The following NR3C2 variants were observed in gnomAD, a reference collection of about 807,000 sequenced individuals.
The protein encoded by NR3C2 is nuclear receptor subfamily 3 group C member 2.
A neutral mutation model predicts 86.4 loss-of-function variants in NR3C2; 15 were observed. The observed-to-expected ratio is 0.17, with a 90% CI of 0.12 to 0.27. The LOEUF (loss-of-function observed/expected upper bound fraction) is 0.27, where lower values mean the gene tolerates loss of function less well. NR3C2 is among the 10% of genes least tolerant of loss of function. The probability of loss-of-function intolerance (pLI) is 1.00; values close to 1 mark genes in which losing one functional copy is unlikely to be tolerated. For synonymous variants in NR3C2, 458 were observed against 450.5 expected (o/e 1.02, Z -0.21); for missense variants, 960 against 1,195.6 (o/e 0.80, Z 2.91).
At chr4:148,297,708 CA>C (rs1248274871) in intron 2 of NR3C2, among the ~76,000 whole-genome samples, 2 of 151,722 alleles carry the variant, frequency 1.3e-5, no homozygotes, top group African/African-American at 2.4e-5. Context: ...TATTGGCTTC[CA>C]AAAAAAGATC....
At chr4:148,372,488 G>A (rs1257497124) in intron 2 of NR3C2, among the ~76,000 whole-genome samples, 2 of 151,736 alleles carry the variant, frequency 1.3e-5, no homozygotes, top group African/African-American at 4.8e-5. Flanking sequence ...AACCAAAGAG[G>A]CATTCTTAAC....
rs769684391 is a variant in NR3C2 at position 148,436,038 on chromosome 4, G to A, written c.823C>T (p.Pro275Ser). 8 of 1,614,020 alleles carry A rather than the reference G, an allele frequency of 5.0e-6. No individual in the cohort carries two copies. In the African/African-American group the frequency reaches 1.1e-4, roughly 22 times the overall value. ...GATTTTACACTGCAGTGACTTGGAG[G>A]GCTGGAAATTGAGGATTTCATGCTA... ...LSSMKSSISS[P>S]PSHCSVKSPV... is the part of the protein sequence containing the mutation. Residue 275 changes from proline (P) to serine (S), a missense_variant, in exon 2 of 9, where the codon CCT becomes TCT. Pro to Ser is a moderately conservative substitution (Grantham distance 74). Coordinates refer to ENST00000358102, the MANE Select transcript of NR3C2 (RefSeq NM_000901.5).
In NR3C2 at chr4:148,178,932, TAA is replaced by T. The variant is rs58576220; in HGVS notation, c.2014+15812_2014+15813del. Among the ~76,000 whole-genome samples, 27 of 95,264 alleles carry T rather than the reference TAA, an allele frequency of 2.8e-4. 1 individual carries two copies. The highest frequency in any genetic ancestry group is 1.3e-3 in the South Asian group (4 of 3,170). 62.5% of individuals were successfully genotyped at this position (95,264 alleles called of 152,430 possible). A position where few individuals can be genotyped will look rare whatever the true frequency, so the allele number is the denominator to read the frequency against. ...AGTGAAAATAGCAGAAAGAAGCAGG[TAA>T]AAAAAAAAAAAAACAAAAAAAAACA... On this transcript the variant is annotated intron_variant, in intron 4 of 8. Coordinates refer to ENST00000358102, the MANE Select transcript of NR3C2 (RefSeq NM_000901.5).
chr4:148,307,052 A>G (rs935787993), intron 2 of NR3C2, among the ~76,000 whole-genome samples: 1 of 152,016 alleles, frequency 6.6e-6, no homozygotes, highest in Non-Finnish European at 1.5e-5. Context: ...TTTTTGTGAC[A>G]CTTTAGTGTT....
chr4:148,275,062 A>G (rs1428922146), intron 2 of NR3C2, among the ~76,000 whole-genome samples: 1 of 152,152 alleles, frequency 6.6e-6, no homozygotes, highest in Non-Finnish European at 1.5e-5. Flanking sequence ...TATAATTCTA[A>G]AGTACACATC....
intron 2 of NR3C2, among the ~76,000 whole-genome samples, chr4:148,384,453 TAC>T (rs1747162814): frequency 6.6e-6 from 1 of 151,192 alleles, no homozygotes; most frequent in Non-Finnish European, 1.5e-5. Context: ...TACTATATAT[TAC>T]AATCCACAAA....
At chr4:148,143,416 C>T (rs1008886319) in intron 6 of NR3C2, among the ~76,000 whole-genome samples, 11 of 152,158 alleles carry the variant, frequency 7.2e-5, no homozygotes, top group Non-Finnish European at 1.0e-4. Context: ...TTCACAATGC[C>T]GCCTTCACTT....
At chr4:148,218,899 A>G (rs12642178) in intron 3 of NR3C2, among the ~76,000 whole-genome samples, 80,692 of 152,016 alleles carry the variant, frequency 0.53, 21,644 homozygotes, top group South Asian at 0.6. Context: ...TTGGCATCTG[A>G]TTGTTCCCAA....
At chr4:148,173,473 A>C (rs13149418) in intron 4 of NR3C2, among the ~76,000 whole-genome samples, 1 of 152,172 alleles carries the variant, frequency 6.6e-6, no homozygotes, top group Non-Finnish European at 1.5e-5. Flanking sequence ...TGAAGATAGA[A>C]GGGGCCACGA....
chr4:148,249,973 G>A (rs114872102), intron 3 of NR3C2, among the ~76,000 whole-genome samples: 2 of 152,214 alleles, frequency 1.3e-5, no homozygotes, highest in Admixed American at 1.3e-4. Context: ...ATGTGAGCAT[G>A]TGCAAAGGTA....
In NR3C2 at chr4:148,080,892, T is replaced by TTAA; in HGVS notation, c.*449_*451dup. ...TTTTTTATTATTTTTTTGTGTTTTT[T>TTAA]TAATAACAAAAGAATATTAATGCCC... On this transcript the variant is annotated 3_prime_UTR_variant, in exon 9 of 9. Coordinates refer to ENST00000358102, the MANE Select transcript of NR3C2 (RefSeq NM_000901.5). The TTAA allele has an allele frequency of 2.8e-6, 1 of 362,340 alleles. No individual in the cohort carries two copies. Among genetic ancestry groups the TTAA allele is most frequent in the Non-Finnish European group, 5.6e-6 (1 of 177,724 alleles). 22.4% of individuals were successfully genotyped at this position (362,340 alleles called of 1,614,324 possible).
upstream of NR3C2, chr4:148,444,337 C>G (rs1255375580): frequency 2.0e-6 from 2 of 985,434 alleles, no homozygotes; most frequent in East Asian, 2.3e-4. Flanking sequence ...CGCGATCACT[C>G]GCCCGCCACC....
intron 4 of NR3C2, among the ~76,000 whole-genome samples, chr4:148,182,806 C>G (rs1735704419): frequency 6.6e-6 from 1 of 152,130 alleles, no homozygotes; most frequent in Non-Finnish European, 1.5e-5. Context: ...GCTTGGTGGC[C>G]TTGGGCAAGC....
At chr4:148,431,730 G>T (rs141481605) in intron 2 of NR3C2, among the ~76,000 whole-genome samples, 1 of 152,222 alleles carries the variant, frequency 6.6e-6, no homozygotes, top group African/African-American at 2.4e-5. Flanking sequence ...ATTAACCTGA[G>T]CAAGAATCAT....
intron 1 of NR3C2, among the ~76,000 whole-genome samples, chr4:148,437,450 T>C (rs1435564072): frequency 6.6e-6 from 1 of 152,236 alleles, no homozygotes; most frequent in Admixed American, 6.5e-5. Context: ...TAATTTTTGA[T>C]TTTTTTAAAA....
At chr4:148,224,393 C>T (rs1445519778) in intron 3 of NR3C2, among the ~76,000 whole-genome samples, 2 of 152,120 alleles carry the variant, frequency 1.3e-5, no homozygotes, top group Admixed American at 1.3e-4. Context: ...ATTTCATTTC[C>T]TCAGCGCTAC....
intron 3 of NR3C2, among the ~76,000 whole-genome samples, chr4:148,245,844 G>A (rs1178330878): frequency 1.3e-5 from 2 of 152,176 alleles, no homozygotes; most frequent in Non-Finnish European, 2.9e-5. Context: ...AATTTTGTAT[G>A]AAGAAAATTT....
chr4:148,174,541 C>T (rs112427826), intron 4 of NR3C2, among the ~76,000 whole-genome samples: 168 of 152,274 alleles, frequency 1.1e-3, no homozygotes, highest in African/African-American at 3.4e-3. Context: ...ATGACCAGCA[C>T]GAGCAAAGGC....
At chr4:148,430,793 T>A (rs1749766933) in intron 2 of NR3C2, among the ~76,000 whole-genome samples, 1 of 152,094 alleles carries the variant, frequency 6.6e-6, no homozygotes, top group African/African-American at 2.4e-5. Flanking sequence ...TGTCACAAAC[T>A]CCCCGAATTC....
Sources: gnomAD v4.1 joint callset for allele counts (sites outside exome capture counted in the v4.1 genomes callset) on GRCh38, gnomAD v4.1.1 for gene constraint, MANE v1.5 for transcripts, NCBI Gene and HGNC (gene_info 2026-07-23, HGNC 2026-07-21) for gene names.